MAGI2: variants seen among roughly 807,000 people sequenced by gnomAD.
The protein encoded by MAGI2 is membrane associated guanylate kinase, WW and PDZ domain containing 2.
Under a neutral mutation model 133.3 loss-of-function variants are expected in MAGI2, and 35 were observed. The ratio of observed to expected loss-of-function variants is 0.26; its 90% CI spans 0.20 to 0.35. MAGI2 has a LOEUF of 0.35. Among genes scored for constraint, MAGI2 ranks in the 10% least tolerant of loss-of-function variants. The pLI is 1.00. For synonymous variants in MAGI2, 729 were observed against 710.6 expected (o/e 1.03, Z -0.41); for missense variants, 1,636 against 1,863.4 (o/e 0.88, Z 2.25).
rs181226668 is a variant in MAGI2 at position 78,877,411 on chromosome 7, T to G, written c.418+129679A>C. Among the ~76,000 whole-genome samples the G allele has an allele frequency of 3.5e-4, 53 of 152,362 alleles. No individual in the cohort carries two copies. The East Asian group carries it at 8.1e-3, about 23-fold the overall frequency. On this transcript the variant is annotated intron_variant, in intron 2 of 21. Transcript: ENST00000354212. ...CTTACATGTATAAACCACTGTGTGCTAACAACATAAATCAGCAAAGAAACA... is the reference window on the plus strand; with the variant it reads ...CTTACATGTATAAACCACTGTGTGCGAACAACATAAATCAGCAAAGAAACA...
At chr7:78,871,639 A>G (rs1795036512) in intron 2 of MAGI2, among the ~76,000 whole-genome samples, 1 of 152,160 alleles carries the variant, frequency 6.6e-6, no homozygotes, top group African/African-American at 2.4e-5. Context: ...CTAAAAGAAA[A>G]AAGACAATGG....
At chr7:79,423,301 C>T (rs1213968319) in intron 1 of MAGI2, among the ~76,000 whole-genome samples, 1 of 152,040 alleles carries the variant, frequency 6.6e-6, no homozygotes, top group Non-Finnish European at 1.5e-5. Flanking sequence ...ATTAACATCT[C>T]TGTTTTAGAG....
chr7:78,928,344 A>G (rs2151650284), intron 2 of MAGI2, among the ~76,000 whole-genome samples: 1 of 152,044 alleles, frequency 6.6e-6, no homozygotes, highest in South Asian at 2.1e-4. Context: ...AATATTAATT[A>G]TGGGATTGTT....
At chr7:79,324,651 T>TA (rs1280880952) in intron 1 of MAGI2, among the ~76,000 whole-genome samples, 3 of 8,956 alleles carry the variant, frequency 3.3e-4, no homozygotes, top group South Asian at 7.8e-3. Context: ...AAAATATATA[T>TA]ATATTATATA....
intron 4 of MAGI2, among the ~76,000 whole-genome samples, chr7:78,502,332 A>G (rs1328942409): frequency 2.6e-5 from 4 of 152,206 alleles, no homozygotes; most frequent in Non-Finnish European, 4.4e-5. Flanking sequence ...CTGGCTTAGA[A>G]GACAGAAAAT....
chr7:78,575,856 G>A (rs751304136), intron 3 of MAGI2, among the ~76,000 whole-genome samples: 3 of 152,068 alleles, frequency 2.0e-5, no homozygotes, highest in Non-Finnish European at 4.4e-5. Context: ...GTGGTATCCT[G>A]GGTGAAATTC....
At chr7:78,909,086 G>A (rs566537783) in intron 2 of MAGI2, among the ~76,000 whole-genome samples, 2 of 142,036 alleles carry the variant, frequency 1.4e-5, no homozygotes, top group Admixed American at 1.4e-4. Context: ...CTAATATCCA[G>A]AATCTACAAG....
At chr7:79,388,119 T>C (rs35763479) in intron 1 of MAGI2, among the ~76,000 whole-genome samples, 30,143 of 151,870 alleles carry the variant, frequency 0.2, 3,579 homozygotes, top group African/African-American at 0.33. Flanking sequence ...CAAATTCAGA[T>C]CATAATTATA....
intron 21 of MAGI2, among the ~76,000 whole-genome samples, chr7:78,059,916 G>A (rs1368502667): frequency 6.6e-6 from 1 of 152,004 alleles, no homozygotes; most frequent in African/African-American, 2.4e-5. Flanking sequence ...CAACAGAAAG[G>A]CAGGCACAGA....
chr7:78,298,993 T>C (rs1404023047), intron 9 of MAGI2, among the ~76,000 whole-genome samples: 1 of 151,656 alleles, frequency 6.6e-6, no homozygotes, highest in African/African-American at 2.4e-5. Context: ...TTTTTGTATT[T>C]TTTAGTACAG....
In MAGI2 at chr7:78,559,136, C is replaced by CA. The variant is rs71085541; in HGVS notation, c.539-37492dup. Among the ~76,000 whole-genome samples the CA allele has an allele frequency of 4.8e-3, 262 of 54,736 alleles. 11 individuals are homozygous for CA. Among genetic ancestry groups the CA allele is most frequent in the Non-Finnish European group, 5.5e-3 (183 of 33,112 alleles). 35.9% of individuals were successfully genotyped at this position (54,736 alleles called of 152,430 possible). ...TTTAGGAGCTTGCAATCTGAATTTCCAAAAAAAAAAAAAAAAAAAAAAAAA... is the reference window on the plus strand; with the variant it reads ...TTTAGGAGCTTGCAATCTGAATTTCCAAAAAAAAAAAAAAAAAAAAAAAAAA... On this transcript the variant is annotated intron_variant, in intron 3 of 21. Coordinates refer to ENST00000354212, the MANE Select transcript of MAGI2 (RefSeq NM_012301.4).
intron 1 of MAGI2, among the ~76,000 whole-genome samples, chr7:79,019,673 T>A (rs1809093288): frequency 6.6e-6 from 1 of 152,100 alleles, no homozygotes; most frequent in Admixed American, 6.5e-5. Flanking sequence ...GCCTCCCAAG[T>A]AGCTGGGACT....
chr7:78,100,141 C>A (rs550210859), intron 20 of MAGI2, among the ~76,000 whole-genome samples: 2 of 152,136 alleles, frequency 1.3e-5, no homozygotes, highest in Non-Finnish European at 2.9e-5. Flanking sequence ...TAGGGCGTAA[C>A]TATGAGCCTA....
intron 9 of MAGI2, chr7:78,285,627 C>T (rs569742938): frequency 3.9e-5 from 6 of 152,270 alleles, no homozygotes; most frequent in African/African-American, 1.2e-4. Context: ...AGAGTTCTCA[C>T]TCCTAACCAT....
chr7:79,130,758 G>T (rs1820863139), intron 1 of MAGI2, among the ~76,000 whole-genome samples: 1 of 152,288 alleles, frequency 6.6e-6, no homozygotes, highest in Non-Finnish European at 1.5e-5. Flanking sequence ...ATGTGCTAGA[G>T]ACTGTACTAA....
chr7:78,961,297 C>A (rs1479112719), intron 2 of MAGI2, among the ~76,000 whole-genome samples: 1 of 152,060 alleles, frequency 6.6e-6, no homozygotes, highest in Non-Finnish European at 1.5e-5. Context: ...CATCCCTGCC[C>A]TGTGCAGCCC....
intron 1 of MAGI2, chr7:79,412,207 T>A (rs1012570024): frequency 7.9e-5 from 12 of 152,080 alleles, no homozygotes; most frequent in Non-Finnish European, 8.8e-5. Flanking sequence ...AAATACAGAC[T>A]TGTGATCACC....
chr7:78,839,470 A>C (rs955150279), intron 2 of MAGI2, among the ~76,000 whole-genome samples: 6 of 152,062 alleles, frequency 3.9e-5, no homozygotes, highest in Admixed American at 6.6e-5. Flanking sequence ...CCCTTTTCAC[A>C]CTGCTATAAA....
intron 6 of MAGI2, among the ~76,000 whole-genome samples, chr7:78,399,688 C>T (rs1184981690): frequency 1.3e-5 from 2 of 151,500 alleles, no homozygotes; most frequent in Non-Finnish European, 2.9e-5. Flanking sequence ...GCCTATAATT[C>T]CAGCTACTTG....
Sources: gnomAD v4.1 joint callset for allele counts (sites outside exome capture counted in the v4.1 genomes callset) on GRCh38, gnomAD v4.1.1 for gene constraint, MANE v1.5 for transcripts, NCBI Gene and HGNC (gene_info 2026-07-23, HGNC 2026-07-21) for gene names.